The following PHKB variants were observed in gnomAD, a reference collection of about 807,000 sequenced individuals.
PHKB encodes the protein phosphorylase kinase regulatory subunit beta, also known as phosphorylase b kinase regulatory subunit beta.
A neutral mutation model predicts 152.1 loss-of-function variants in PHKB; 122 were observed. The ratio of observed to expected loss-of-function variants is 0.80; its 90% CI spans 0.69 to 0.93. The LOEUF (loss-of-function observed/expected upper bound fraction) is 0.93, where lower values mean the gene tolerates loss of function less well. Ranked by LOEUF, PHKB falls within the 40% of genes least tolerant of loss-of-function variation. PHKB has a pLI of 0.00. For missense variants in PHKB, 1,304 were observed against 1,328.4 expected (o/e 0.98, Z 0.29); for synonymous variants, 436 against 464.9 (o/e 0.94, Z 0.80).
intron 13 of PHKB, among the ~76,000 whole-genome samples, chr16:47,596,857 A>T (rs1232041698): frequency 1.3e-5 from 2 of 152,204 alleles, no homozygotes; most frequent in Non-Finnish European, 2.9e-5. Flanking sequence ...ATTCTGACTT[A>T]AGAAAACAGT....
intron 25 of PHKB, chr16:47,665,201 G>A (rs759311053): frequency 1.8e-5 from 9 of 495,780 alleles, no homozygotes; most frequent in Non-Finnish European, 3.3e-5. Context: ...AGCTTCTGTG[G>A]ATATCCTGAA....
intron 1 of PHKB, among the ~76,000 whole-genome samples, chr16:47,473,072 T>C (rs565019464): frequency 6.6e-6 from 1 of 151,772 alleles, no homozygotes; most frequent in Admixed American, 6.6e-5. Context: ...GTTTGTTTGT[T>C]TTTGTTTTTG....
chr16:47,673,373 G>T (rs1973670114), intron 26 of PHKB, among the ~76,000 whole-genome samples: 1 of 152,076 alleles, frequency 6.6e-6, no homozygotes. Flanking sequence ...GAAGTAAATG[G>T]CTCTTAATTT....
At chr16:47,493,859 A>C (rs1345983087) in intron 1 of PHKB, among the ~76,000 whole-genome samples, 3 of 152,232 alleles carry the variant, frequency 2.0e-5, no homozygotes, top group African/African-American at 7.2e-5. Flanking sequence ...GAAAAACTCC[A>C]ACTAGTAGTT....
chr16:47,593,497 T>C lies in PHKB; in HGVS notation c.1069-3T>C, dbSNP rs775366763. ...AAATTTAATGTTTTATTTTCTGTTT[T>C]AGCTATTTGATGGCATTGAATGTGA... On this transcript the variant is annotated splice_region_variant and splice_polypyrimidine_tract_variant and intron_variant, in intron 10 of 30. Coordinates refer to ENST00000323584, the MANE Select transcript of PHKB (RefSeq NM_000293.3). 5.2e-6 allele frequency: 7 copies of C among 1,343,046 alleles called. No individual in the cohort carries two copies. Among genetic ancestry groups the C allele is most frequent in the Non-Finnish European group, 7.5e-6 (7 of 933,588 alleles). The allele number at this position is 1,343,046 out of a possible 1,614,324, so 83.2% of individuals were successfully genotyped here. A position where few individuals can be genotyped will look rare whatever the true frequency, so the allele number is the denominator to read the frequency against.
chr16:47,658,005 C>T lies in PHKB; in HGVS notation c.1972-2501C>T, dbSNP rs543994280. ...AATAAAACAGTCTGTTCATGCTCTA[C>T]CTGGTCATAAGCAGATTAGGTCATA... On this transcript the variant is annotated intron_variant, in intron 20 of 30. Transcript: ENST00000323584. 2.0e-5 allele frequency among the ~76,000 whole-genome samples: 3 copies of T among 152,298 alleles called. No individual in the cohort carries two copies. In the East Asian group the frequency reaches 5.8e-4, roughly 29 times the overall value.
chr16:47,565,643 C>G, intron 7 of PHKB: 1 of 1,151,610 alleles, frequency 8.7e-7, no homozygotes, highest in East Asian at 2.3e-5. Flanking sequence ...TCTGTGATGA[C>G]TCACTTCCTG....
At position 47,608,691 on chromosome 16, in the gene PHKB, ACT is replaced by A. The variant is rs1051370892; in HGVS notation, c.1364-2132_1364-2131del. Among the ~76,000 whole-genome samples, 9 of 152,150 alleles carry A rather than the reference ACT, an allele frequency of 5.9e-5. No homozygotes were observed. In the South Asian group the frequency reaches 6.2e-4, roughly 11 times the overall value. ...CACTCCACCTGAGCAACAGAGCAAG[ACT>A]CTGTCTCAAAACAAAACAAAGAAAA... On this transcript the variant is annotated intron_variant, in intron 13 of 30. Coordinates refer to ENST00000323584, the MANE Select transcript of PHKB (RefSeq NM_000293.3).
intron 26 of PHKB, among the ~76,000 whole-genome samples, chr16:47,686,996 C>T (rs1973976437): frequency 6.6e-6 from 1 of 152,104 alleles, no homozygotes; most frequent in East Asian, 1.9e-4. Context: ...TGACATAAAA[C>T]AAGACTCATG....
intron 4 of PHKB, among the ~76,000 whole-genome samples, chr16:47,509,835 G>A (rs977931012): frequency 2.0e-5 from 3 of 150,308 alleles, no homozygotes; most frequent in African/African-American, 7.4e-5. Flanking sequence ...TATACAGTTT[G>A]TTGCAATTCT....
intron 20 of PHKB, among the ~76,000 whole-genome samples, chr16:47,655,041 A>G (rs1016257961): frequency 2.0e-5 from 3 of 152,154 alleles, no homozygotes; most frequent in Non-Finnish European, 4.4e-5. Context: ...AAAAGAATCA[A>G]ATAGAAATTC....
intron 1 of PHKB, among the ~76,000 whole-genome samples, chr16:47,482,149 A>G (rs915590185): frequency 6.6e-6 from 1 of 152,240 alleles, no homozygotes; most frequent in Non-Finnish European, 1.5e-5. Context: ...AGGTCTTTGC[A>G]AGGCACTTCC....
intron 1 of PHKB, among the ~76,000 whole-genome samples, chr16:47,466,901 T>A (rs1440047838): frequency 6.6e-6 from 1 of 152,154 alleles, no homozygotes; most frequent in Non-Finnish European, 1.5e-5. Flanking sequence ...TTTAAGAGCC[T>A]AATGAAAGGG....
Position 47,604,778 on chromosome 16 carries a change from G to GA in PHKB, c.1364-6039dup, listed in dbSNP as rs201009956. Among the ~76,000 whole-genome samples, 12 of 150,754 alleles carry GA rather than the reference G, an allele frequency of 8.0e-5. No individual in the cohort carries two copies. In the South Asian group the frequency reaches 8.4e-4, roughly 11 times the overall value. On this transcript the variant is annotated intron_variant, in intron 13 of 30. Coordinates refer to ENST00000323584, the MANE Select transcript of PHKB (RefSeq NM_000293.3). ...AGGGTATATTTTATAAACCTTCTGTGAAAAAAAAATTAATTAACTTAATTC... is the reference window on the plus strand; with the variant it reads ...AGGGTATATTTTATAAACCTTCTGTGAAAAAAAAAATTAATTAACTTAATTC...
At chr16:47,513,217 A>T (rs1597045271) in intron 5 of PHKB, among the ~76,000 whole-genome samples, 1 of 152,262 alleles carries the variant, frequency 6.6e-6, no homozygotes, top group East Asian at 1.9e-4. Flanking sequence ...ATGTACTGAC[A>T]TTTTCTTACA....
chr16:47,530,980 G>T (rs1970852352), intron 6 of PHKB, among the ~76,000 whole-genome samples: 1 of 152,148 alleles, frequency 6.6e-6, no homozygotes, highest in African/African-American at 2.4e-5. Context: ...AGAATAAACT[G>T]TAAAATACAC....
At chr16:47,474,011 G>A (rs1969826034) in intron 1 of PHKB, among the ~76,000 whole-genome samples, 1 of 152,060 alleles carries the variant, frequency 6.6e-6, no homozygotes, top group Non-Finnish European at 1.5e-5. Context: ...GTCAACATTC[G>A]AGAATCTTGT....
At chr16:47,653,597 GAT>G (rs1275286995) in intron 20 of PHKB, among the ~76,000 whole-genome samples, 1 of 152,080 alleles carries the variant, frequency 6.6e-6, no homozygotes. Context: ...AGGAGTTAAA[GAT>G]ATGTCTTGGT....
At chr16:47,677,998 C>T (rs950011559) in intron 26 of PHKB, among the ~76,000 whole-genome samples, 3 of 150,156 alleles carry the variant, frequency 2.0e-5, no homozygotes, top group African/African-American at 4.9e-5. Flanking sequence ...TAGTTCCCAC[C>T]TATGAGTGAG....
Sources: gnomAD v4.1 joint callset for allele counts (sites outside exome capture counted in the v4.1 genomes callset) on GRCh38, gnomAD v4.1.1 for gene constraint, MANE v1.5 for transcripts, NCBI Gene and HGNC (gene_info 2026-07-23, HGNC 2026-07-21) for gene names.